DNAH11: variants seen among roughly 807,000 people sequenced by gnomAD.
DNAH11 encodes dynein axonemal heavy chain 11.
Under a neutral mutation model 526.0 loss-of-function variants are expected in DNAH11, and 442 were observed. That is an observed-to-expected ratio of 0.84 (90% confidence interval 0.78 to 0.91). DNAH11 has a LOEUF of 0.91. DNAH11 is among the 40% of genes least tolerant of loss of function. The probability of loss-of-function intolerance (pLI) is 0.00; values close to 1 mark genes in which losing one functional copy is unlikely to be tolerated. For missense variants in DNAH11, 6,989 were observed against 5,448.7 expected, an observed-to-expected ratio of 1.28 and a Z score of -8.90; for synonymous variants, 2,461 against 1,935.9, an observed-to-expected ratio of 1.27 and a Z score of -7.12.
intron 55 of DNAH11, among the ~76,000 whole-genome samples, chr7:21,767,241 G>C (rs147673295): frequency 3.1e-4 from 47 of 152,224 alleles, no homozygotes; most frequent in African/African-American, 1.1e-3. Flanking sequence ...TCATCAGGCT[G>C]GTTTGGTAAG....
intron 30 of DNAH11, among the ~76,000 whole-genome samples, chr7:21,675,208 C>G (rs766758821): frequency 2.6e-5 from 4 of 152,226 alleles, no homozygotes; most frequent in African/African-American, 4.8e-5. Flanking sequence ...GCTGGGCAAG[C>G]CCTGCATGCT....
intron 42 of DNAH11, among the ~76,000 whole-genome samples, chr7:21,714,053 C>G (rs1043836594): frequency 6.6e-6 from 1 of 152,156 alleles, no homozygotes; most frequent in South Asian, 2.1e-4. Context: ...TGGGTGTGCT[C>G]TGATTTCAGC....
rs759792491 is a variant in DNAH11 at position 21,558,880 on chromosome 7, A to G, written c.574A>G (p.Ile192Val). The G allele has an allele frequency of 5.0e-6, 8 of 1,608,370 alleles. No individual in the cohort carries two copies. The highest frequency in any genetic ancestry group is 1.6e-4 in the Middle Eastern group (1 of 6,076). Residue 192 changes from isoleucine to valine, a missense_variant, in exon 3 of 82, where the codon ATA becomes GTA. Transcript: ENST00000409508. Reference sequence around the variant, plus strand: ...TACTTCACAAGATATGGAATATCACATAGAAGTCATGAAAAAGAAGATGTA... The same window carrying G: ...TACTTCACAAGATATGGAATATCACGTAGAAGTCATGAAAAAGAAGATGTA... ...CFTSQDMEYHIEVMKKKMYIF... is the reference protein window; with the variant it reads ...CFTSQDMEYHVEVMKKKMYIF...
chr7:21,570,275 T>G lies in DNAH11; in HGVS notation c.1401T>G (p.Phe467Leu). The change falls in exon 7 of 82, where the codon TTT becomes TTG. Residue 467 changes from phenylalanine to leucine, a missense_variant. By Grantham distance (22) the Phe-to-Leu change is conservative. Coordinates refer to ENST00000409508, the MANE Select transcript of DNAH11 (RefSeq NM_001277115.2). ...SHLVFCRFDK[F>L]LDRLIKIEDI... ...TGGTGTTTTGCAGATTTGACAAGTT[T>G]CTTGATCGTTTAATAAAAATAGAGG... 6.2e-7 allele frequency: 1 copy of G among 1,606,574 alleles called. No individual in the cohort carries two copies. The highest frequency in any genetic ancestry group is 8.5e-7 in the Non-Finnish European group (1 of 1,177,836).
intron 81 of DNAH11, 105 bp from the exon 82 acceptor site, chr7:21,900,902 G>C: frequency 6.8e-7 from 1 of 1,476,268 alleles, no homozygotes; most frequent in East Asian, 2.3e-5. Flanking sequence ...GCAAAAATAT[G>C]ACAAAACCAG....
At chr7:21,737,990 T>C (rs1417731225) in intron 46 of DNAH11, among the ~76,000 whole-genome samples, 1 of 152,212 alleles carries the variant, frequency 6.6e-6, no homozygotes, top group Non-Finnish European at 1.5e-5. Flanking sequence ...TTAAAAAAAG[T>C]ACTTATTGTG....
chr7:21,554,200 G>A (rs1232400873), intron 2 of DNAH11, among the ~76,000 whole-genome samples: 2 of 136,508 alleles, frequency 1.5e-5, no homozygotes, highest in African/African-American at 2.7e-5. Context: ...TTTAGGGGAA[G>A]TCTCACTCTG....
chr7:21,804,656 C>T (rs1789173462), intron 62 of DNAH11, among the ~76,000 whole-genome samples: 1 of 152,142 alleles, frequency 6.6e-6, no homozygotes, highest in South Asian at 2.1e-4. Flanking sequence ...ATTGACCCTG[C>T]CTTTCAGGTT....
chr7:21,642,702 G>A (rs1168772030), intron 28 of DNAH11, among the ~76,000 whole-genome samples: 8 of 152,112 alleles, frequency 5.3e-5, no homozygotes, highest in East Asian at 1.9e-4. Context: ...TTTTCCAGGC[G>A]TCCCTCCTTT....
At chr7:21,622,357 G>A (rs1440538664) in intron 25 of DNAH11, among the ~76,000 whole-genome samples, 4 of 152,176 alleles carry the variant, frequency 2.6e-5, no homozygotes, top group African/African-American at 4.8e-5. Flanking sequence ...ATGCTCATGG[G>A]TAAGAAGAAT....
At chr7:21,824,932 C>T (rs1358788396) in intron 65 of DNAH11, among the ~76,000 whole-genome samples, 1 of 152,192 alleles carries the variant, frequency 6.6e-6, no homozygotes, top group South Asian at 2.1e-4. Flanking sequence ...AGTGCAGTGG[C>T]GGGATCTTGG....
In DNAH11 at chr7:21,594,918, G is replaced by A. The variant is rs569657890; in HGVS notation, c.2667+3341G>A. Among the ~76,000 whole-genome samples, 22 of 152,182 alleles carry A rather than the reference G, an allele frequency of 1.4e-4. No individual in the cohort carries two copies. In the South Asian group the frequency reaches 4.6e-3, roughly 32 times the overall value. On this transcript the variant is annotated intron_variant, in intron 14 of 81. Coordinates refer to ENST00000409508, the MANE Select transcript of DNAH11 (RefSeq NM_001277115.2). Reference sequence around the variant, plus strand: ...GAATTTTGAGATTTTGAGAAGGGGAGTAAATACAATCTGACTTTCATTCTA... The same window carrying A: ...GAATTTTGAGATTTTGAGAAGGGGAATAAATACAATCTGACTTTCATTCTA...
rs557550352 is a variant in DNAH11, at chr7:21,798,404, A to G, written c.10027-2733A>G. Among the ~76,000 whole-genome samples, 25 of 152,326 alleles carry G rather than the reference A, an allele frequency of 1.6e-4. No homozygotes were observed. In the South Asian group the frequency reaches 5.0e-3, roughly 30 times the overall value. On this transcript the variant is annotated intron_variant, in intron 61 of 81. Coordinates refer to ENST00000409508, the MANE Select transcript of DNAH11 (RefSeq NM_001277115.2). The stretch of plus-strand genomic sequence containing the variant: ...AGCCACTGTGCCTGGCAGAACCAAG[A>G]CATTTTTAAACTCGAAGATGGATAC...
In DNAH11 at chr7:21,685,441, A is replaced by G. The variant is rs565527699; in HGVS notation, c.5621+1497A>G. Among the ~76,000 whole-genome samples the G allele has an allele frequency of 3.3e-5, 5 of 152,340 alleles. No individual in the cohort carries two copies. The South Asian group carries it at 1.0e-3, about 32-fold the overall frequency. ...GGAGCTGAAAGGAAGATGAAAGTTC[A>G]TTTTGATAGTGTGAATTGTGTTGGA... On this transcript the variant is annotated intron_variant, in intron 32 of 81. Coordinates refer to ENST00000409508, the MANE Select transcript of DNAH11 (RefSeq NM_001277115.2).
At chr7:21,632,424 A>G (rs897442617) in intron 25 of DNAH11, among the ~76,000 whole-genome samples, 1 of 152,170 alleles carries the variant, frequency 6.6e-6, no homozygotes, top group African/African-American at 2.4e-5. Context: ...TCGGGCTACA[A>G]ATTTTCTGAA....
chr7:21,674,377 T>A (rs1361097057), intron 30 of DNAH11, among the ~76,000 whole-genome samples: 1 of 151,980 alleles, frequency 6.6e-6, no homozygotes, highest in East Asian at 1.9e-4. Context: ...TTTGTTTTGT[T>A]TGAAACAGGG....
chr7:21,789,816 C>CTTTCTTTCTTTCTTT (rs1788379654), intron 61 of DNAH11, among the ~76,000 whole-genome samples: 47 of 70,136 alleles, frequency 6.7e-4, no homozygotes, highest in Admixed American at 1.1e-3. Flanking sequence ...TTTTTTCTTT[C>CTTTCTTTCTTTCTTT]TTTCTTTCTT....
rs867378244 is a variant in DNAH11 at position 21,739,679 on chromosome 7, G to A, written c.7914+6G>A. ...CCATCAATCCCAGGCTACAGGTAGG[G>A]TGTTGAATACTGCTCTCAAAAACTG... On this transcript the variant is annotated splice_donor_region_variant and intron_variant, in intron 48 of 81. Coordinates refer to ENST00000409508, the MANE Select transcript of DNAH11 (RefSeq NM_001277115.2). The A allele has an allele frequency of 2.5e-6, 4 of 1,606,788 alleles. No homozygotes were observed. In the Middle Eastern group the frequency reaches 6.6e-4, roughly 266 times the overall value.
At chr7:21,849,120 G>A (rs1421036742) in intron 66 of DNAH11, among the ~76,000 whole-genome samples, 2 of 152,080 alleles carry the variant, frequency 1.3e-5, no homozygotes, top group Non-Finnish European at 2.9e-5. Flanking sequence ...CCTGACCTCA[G>A]GTGTTCCACC....
Sources: gnomAD v4.1 joint callset for allele counts (sites outside exome capture counted in the v4.1 genomes callset) on GRCh38, gnomAD v4.1.1 for gene constraint, MANE v1.5 for transcripts, NCBI Gene and HGNC (gene_info 2026-07-23, HGNC 2026-07-21) for gene names.